MKRN1: variants seen among roughly 807,000 people sequenced by gnomAD.
The protein encoded by MKRN1 is makorin ring finger protein 1, also known as E3 ubiquitin-protein ligase makorin-1.
MKRN1 carries 9 observed loss-of-function variants against 55.5 expected under a neutral mutation model. That is an observed-to-expected ratio of 0.16 (90% CI 0.10 to 0.28). MKRN1 has a LOEUF of 0.28. MKRN1 is among the 10% of genes least tolerant of loss of function. The pLI is 1.00. For missense variants in MKRN1, 488 were observed against 626.7 expected, an observed-to-expected ratio of 0.78 and a Z score of 2.36; for synonymous variants, 253 against 235.9, an observed-to-expected ratio of 1.07 and a Z score of -0.66.
intron 1 of MKRN1, chr7:140,478,647 C>T (rs1795193600): frequency 6.6e-6 from 1 of 152,364 alleles, no homozygotes; most frequent in Non-Finnish European, 1.5e-5. Context: ...CGTGAAAAGA[C>T]GTTACAAACG....
intron 2 of MKRN1, among the ~76,000 whole-genome samples, chr7:140,470,542 G>A (rs1465604348): frequency 3.3e-5 from 5 of 151,904 alleles, no homozygotes; most frequent in Admixed American, 1.3e-4. Context: ...CCGAAATTGC[G>A]CCACTGCACT....
intron 1 of MKRN1, chr7:140,474,447 C>G: frequency 2.9e-6 from 1 of 350,774 alleles, no homozygotes; most frequent in South Asian, 2.0e-5. Flanking sequence ...TGGGGGGGGC[C>G]CAGAGGTTGC....
intron 6 of MKRN1, chr7:140,455,577 C>T (rs1341904441): frequency 8.7e-6 from 5 of 572,790 alleles, no homozygotes; most frequent in Non-Finnish European, 1.5e-5. Context: ...ACAGTAGAGA[C>T]CTCTTTATAA....
At chr7:140,475,534 C>T (rs781135848) in intron 1 of MKRN1, among the ~76,000 whole-genome samples, 7 of 151,946 alleles carry the variant, frequency 4.6e-5, no homozygotes, top group Non-Finnish European at 7.4e-5. Flanking sequence ...GGTGGTGGCA[C>T]GTGCCTGTAA....
Position 140,459,087 on chromosome 7 carries a change from G to C in MKRN1, c.691C>G (p.Leu231Val), listed in dbSNP as rs200628844. The C allele has an allele frequency of 6.2e-7, 1 of 1,613,986 alleles. No individual in the cohort carries two copies. The highest frequency in any genetic ancestry group is 8.5e-7 in the Non-Finnish European group (1 of 1,179,880). The change falls in exon 4 of 8, where the codon CTC (leucine) becomes GTC (valine). Residue 231 changes from leucine (L) to valine (V), a missense_variant. Leu to Val is a conservative substitution (Grantham distance 32). Coordinates refer to ENST00000255977, the MANE Select transcript of MKRN1 (RefSeq NM_013446.4). ...CACATGTCACAAGAATCTCCGTGGA[G>C]ATACACACAGTTCTCCCCGTATCGG... is the stretch of plus-strand genomic sequence containing the variant. The part of the protein sequence containing the change: ...ECRYGENCVY[L>V]HGDSCDMCGL...
At chr7:140,457,250 C>T (rs550069835) in intron 4 of MKRN1, among the ~76,000 whole-genome samples, 7 of 152,242 alleles carry the variant, frequency 4.6e-5, no homozygotes, top group African/African-American at 1.7e-4. Flanking sequence ...ATAAGGGTGA[C>T]AGGCACGTAA....
intron 1 of MKRN1, among the ~76,000 whole-genome samples, chr7:140,474,938 C>T (rs1201974441): frequency 1.3e-5 from 2 of 151,804 alleles, no homozygotes; most frequent in African/African-American, 4.8e-5. Flanking sequence ...AGGCTGGTCT[C>T]GAACTCCTGA....
intron 2 of MKRN1, among the ~76,000 whole-genome samples, chr7:140,468,571 C>G (rs921048070): frequency 6.6e-6 from 1 of 151,762 alleles, no homozygotes; most frequent in Admixed American, 6.6e-5. Flanking sequence ...TGTGGTGGCA[C>G]ATGCCTGTAA....
At chr7:140,456,487 C>T in intron 5 of MKRN1, 165 bp downstream of exon 5, 1 of 1,438,538 alleles carries the variant, frequency 7.0e-7, no homozygotes, top group Non-Finnish European at 9.1e-7. Context: ...ACCAACTAAC[C>T]TAGAAGCTAG....
intron 1 of MKRN1, chr7:140,475,321 C>A (rs749849007): frequency 1.8e-5 from 7 of 380,232 alleles, no homozygotes; most frequent in South Asian, 1.3e-4. Context: ...CCAGCTTGGG[C>A]GACACAGACT....
intron 2 of MKRN1, among the ~76,000 whole-genome samples, chr7:140,465,820 G>A (rs777547513): frequency 7.9e-5 from 12 of 152,186 alleles, no homozygotes; most frequent in African/African-American, 1.9e-4. Context: ...GGTGGCTCAC[G>A]CCTGTAATCC....
chr7:140,456,500 G>A, intron 5 of MKRN1, 152 bp downstream of exon 5: 1 of 1,445,026 alleles, frequency 6.9e-7, no homozygotes, highest in South Asian at 1.5e-5. Flanking sequence ...GAAGCTAGCT[G>A]AAATACAAAG....
intron 1 of MKRN1, among the ~76,000 whole-genome samples, chr7:140,477,709 C>G (rs1190895147): frequency 1.3e-5 from 2 of 152,182 alleles, no homozygotes; most frequent in Non-Finnish European, 2.9e-5. Context: ...CCGCCCGCCT[C>G]AGCCTCCCAA....
intron 4 of MKRN1, among the ~76,000 whole-genome samples, chr7:140,457,559 A>G (rs1794503897): frequency 1.3e-5 from 2 of 152,048 alleles, no homozygotes; most frequent in African/African-American, 2.4e-5. Flanking sequence ...GCGAAACCCC[A>G]TCTCTACTAA....
At chr7:140,469,111 G>A (rs570631673) in intron 2 of MKRN1, among the ~76,000 whole-genome samples, 27 of 152,198 alleles carry the variant, frequency 1.8e-4, no homozygotes, top group African/African-American at 6.3e-4. Context: ...CGGATCACGA[G>A]GTCAGGAGAT....
rs1794415208 is a variant in MKRN1 at position 140,454,613 on chromosome 7, A to C, written c.1353T>G (p.Leu451=). The C allele has an allele frequency of 3.1e-6, 5 of 1,613,814 alleles. No individual in the cohort carries two copies. Among genetic ancestry groups the C allele is most frequent in the South Asian group, 1.1e-5 (1 of 91,064 alleles). Residue 451 remains leucine, a synonymous_variant, in exon 8 of 8, where the codon CTT becomes CTG. Coordinates refer to ENST00000255977, the MANE Select transcript of MKRN1 (RefSeq NM_013446.4). ...GTTCGTCGTCCCCACCTGCAGCCAAAAGCATAAGCAACATCTCGCCCAGCT... is the reference window on the plus strand; with the variant it reads ...GTTCGTCGTCCCCACCTGCAGCCAACAGCATAAGCAACATCTCGCCCAGCT... The part of the protein sequence containing the change: ...TFELGEMLLM[L]LAAGGDDELT...
At chr7:140,473,352 A>C in intron 1 of MKRN1, 1 of 404,550 alleles carries the variant, frequency 2.5e-6, no homozygotes, top group Non-Finnish European at 4.8e-6. Flanking sequence ...AAAAGACAAA[A>C]TTTACTAGAA....
At chr7:140,459,311 A>G (rs1272508204) in intron 3 of MKRN1, 78 bp from the exon 4 acceptor site, 1 of 1,412,836 alleles carries the variant, frequency 7.1e-7, no homozygotes, top group African/African-American at 1.4e-5. Flanking sequence ...TCTAACCGCA[A>G]AAAATGAAAA....
At chr7:140,464,264 CT>C (rs996537254) in intron 2 of MKRN1, among the ~76,000 whole-genome samples, 5 of 152,250 alleles carry the variant, frequency 3.3e-5, no homozygotes, top group Non-Finnish European at 7.4e-5. Context: ...TGGAGCCAAG[CT>C]TCATGGCTCC....
Sources: gnomAD v4.1 joint callset for allele counts (sites outside exome capture counted in the v4.1 genomes callset) on GRCh38, gnomAD v4.1.1 for gene constraint, MANE v1.5 for transcripts, NCBI Gene and HGNC (gene_info 2026-07-23, HGNC 2026-07-21) for gene names.